TBL1Y: variants seen among roughly 807,000 people sequenced by gnomAD.
The protein encoded by TBL1Y is F-box-like/WD repeat-containing protein TBL1Y.
TBL1Y carries 15 observed loss-of-function variants against 12.0 expected under a neutral mutation model. That is an observed-to-expected ratio of 1.25 (90% CI 0.83 to 1.92). The LOEUF is 1.92. Ranked by LOEUF, TBL1Y falls within the 40% of genes most tolerant of loss-of-function variation. TBL1Y has a pLI of 0.00. For synonymous variants in TBL1Y, 53 were observed against 42.6 expected (o/e 1.24, Z -0.95); for missense variants, 148 against 116.7 (o/e 1.27, Z -1.24).
intron 4 of TBL1Y, among the ~76,000 whole-genome samples, chrY:7,002,743 A>G: frequency 2.9e-5 from 1 of 34,078 alleles, no homozygotes; most frequent in Non-Finnish European, 7.3e-5. Context: ...AGGCTTACAG[A>G]AGTGAGAAGA....
chrY:6,915,288 T>G (rs2011726470), intron 2 of TBL1Y, among the ~76,000 whole-genome samples: 1 of 33,633 alleles, frequency 3.0e-5, no homozygotes, highest in Non-Finnish European at 7.3e-5. Flanking sequence ...GATCAAAGTC[T>G]TCTGTATTAA....
At chrY:6,969,395 G>T in intron 2 of TBL1Y, among the ~76,000 whole-genome samples, 1 of 33,712 alleles carries the variant, frequency 3.0e-5, no homozygotes, top group African/African-American at 1.2e-4. Flanking sequence ...GAGAAGGGTT[G>T]CCCAGCAGCC....
At chrY:7,062,551 C>G in intron 7 of TBL1Y, among the ~76,000 whole-genome samples, 3 of 33,429 alleles carry the variant, frequency 9.0e-5, no homozygotes, top group African/African-American at 3.5e-4. Context: ...CCATCTTTAT[C>G]CTCCCTGCTC....
chrY:6,955,399 A>T, intron 2 of TBL1Y, among the ~76,000 whole-genome samples: 1 of 34,058 alleles, frequency 2.9e-5, no homozygotes, highest in Non-Finnish European at 7.3e-5. Flanking sequence ...GCACTTTGGT[A>T]AACTTAATAG....
chrY:7,021,823 AG>A lies in TBL1Y; in HGVS notation c.-51+288del, dbSNP rs763204163. ...AAACTTTTCTGGGTCTTACCAGTCG[AG>A]GATAACACCTTCTAAAATCAACCTC... On this transcript the variant is annotated intron_variant, in intron 5 of 18. Transcript: ENST00000383032. Among the ~76,000 whole-genome samples, 451 of 33,353 alleles carry A rather than the reference AG, an allele frequency of 0.014. No homozygotes were observed. The Middle Eastern group carries it at 0.25, about 18-fold the overall frequency. The allele number at this position is 33,353 out of a possible 37,273, so 89.5% of individuals were successfully genotyped here. A position where few individuals can be genotyped will look rare whatever the true frequency, so the allele number is the denominator to read the frequency against.
chrY:6,985,340 C>T (rs2012309606), intron 3 of TBL1Y, among the ~76,000 whole-genome samples: 1 of 33,538 alleles, frequency 3.0e-5, no homozygotes, highest in Non-Finnish European at 7.4e-5. Flanking sequence ...TGGTTCTCAA[C>T]AGTGATTGTG....
At position 7,037,064 on chromosome Y, in the gene TBL1Y, T is replaced by C. The variant is rs762356122; in HGVS notation, c.59-5916T>C. Among the ~76,000 whole-genome samples the C allele has an allele frequency of 2.4e-4, 8 of 33,046 alleles. No individual in the cohort carries two copies. In the East Asian group the frequency reaches 6.4e-3, roughly 26 times the overall value. 88.7% of individuals were successfully genotyped at this position (33,046 alleles called of 37,273 possible). ...GTCAGGCATATCAGAAGAGAAGAGA[T>C]GAACAAAGGGCTTGTAGACAGAGGG... On this transcript the variant is annotated intron_variant, in intron 6 of 18. Coordinates refer to ENST00000383032, the MANE Select transcript of TBL1Y (RefSeq NM_033284.2).
At chrY:6,972,987 G>T (rs748362861) in intron 2 of TBL1Y, among the ~76,000 whole-genome samples, 1 of 32,705 alleles carries the variant, frequency 3.1e-5, no homozygotes, top group East Asian at 8.1e-4. Context: ...ATGCCTGCTG[G>T]TCACCCTCAG....
rs72617689 is a variant in TBL1Y, at chrY:6,967,155, T to C, written c.-265-11058T>C. Among the ~76,000 whole-genome samples, 158 of 32,014 alleles carry C rather than the reference T, an allele frequency of 4.9e-3. No individual in the cohort carries two copies. The East Asian group carries it at 0.12, about 25-fold the overall frequency. 85.9% of individuals were successfully genotyped at this position (32,014 alleles called of 37,273 possible). A position where few individuals can be genotyped will look rare whatever the true frequency, so the allele number is the denominator to read the frequency against. ...ACAGTTGCTTTCTTCCCTCCTGGAG[T>C]TGATAGAGTTGAGGGGAGGCAGATA... On this transcript the variant is annotated intron_variant, in intron 2 of 18. Coordinates refer to ENST00000383032, the MANE Select transcript of TBL1Y (RefSeq NM_033284.2).
intron 4 of TBL1Y, among the ~76,000 whole-genome samples, chrY:6,997,764 A>G (rs2012421562): frequency 2.9e-5 from 1 of 34,001 alleles, no homozygotes; most frequent in East Asian, 7.9e-4. Context: ...TGGGGAGCAA[A>G]TGCATTGGGT....
chrY:7,033,310 G>A (rs2012667028), intron 6 of TBL1Y, among the ~76,000 whole-genome samples: 2 of 33,117 alleles, frequency 6.0e-5, no homozygotes, highest in African/African-American at 1.2e-4. Flanking sequence ...TGAATAGATC[G>A]TAACAGGCTC....
At chrY:6,981,225 C>CA (rs2012279392) in intron 3 of TBL1Y, among the ~76,000 whole-genome samples, 2 of 32,702 alleles carry the variant, frequency 6.1e-5, no homozygotes, top group African/African-American at 2.4e-4. Flanking sequence ...CTGAATTTTT[C>CA]AAAAAAAGCA....
At chrY:7,064,773 T>C in intron 8 of TBL1Y, among the ~76,000 whole-genome samples, 1 of 33,177 alleles carries the variant, frequency 3.0e-5, no homozygotes, top group Non-Finnish European at 7.4e-5. Context: ...GGTGCACTAG[T>C]GGGTGGGAGG....
At chrY:7,089,095 T>G (rs891751198) in intron 17 of TBL1Y, among the ~76,000 whole-genome samples, 5 of 33,498 alleles carry the variant, frequency 1.5e-4, no homozygotes, top group African/African-American at 5.8e-4. Context: ...GGGCTGGGGA[T>G]TACAGGCATG....
At chrY:6,915,130 A>C in intron 2 of TBL1Y, among the ~76,000 whole-genome samples, 3 of 33,299 alleles carry the variant, frequency 9.0e-5, no homozygotes, top group Non-Finnish European at 2.2e-4. Context: ...AAGTAAAATA[A>C]AAGGTGCTTC....
At chrY:7,045,367 T>C (rs2012752139) in intron 7 of TBL1Y, among the ~76,000 whole-genome samples, 1 of 33,429 alleles carries the variant, frequency 3.0e-5, no homozygotes, top group Non-Finnish European at 7.4e-5. Flanking sequence ...ATGGAGAGGG[T>C]GAAGTAAAGT....
At chrY:7,063,750 A>T in intron 7 of TBL1Y, 147 bp from the exon 8 acceptor site, 1 of 182,926 alleles carries the variant, frequency 5.5e-6, no homozygotes, top group Non-Finnish European at 1.0e-5. Flanking sequence ...AACAGGGTCT[A>T]TGCTACTTCC....
At chrY:7,034,230 A>G (rs2012674348) in intron 6 of TBL1Y, among the ~76,000 whole-genome samples, 1 of 33,154 alleles carries the variant, frequency 3.0e-5, no homozygotes, top group East Asian at 8.0e-4. Context: ...TCCCATTCAC[A>G]GTGGCTACAA....
intron 2 of TBL1Y, among the ~76,000 whole-genome samples, chrY:6,926,176 T>C: frequency 5.8e-5 from 2 of 34,327 alleles, no homozygotes; most frequent in African/African-American, 2.3e-4. Flanking sequence ...AAATACATAT[T>C]TTCTTTGAAA....
Sources: allele counts gnomAD v4.1 joint callset (sites outside exome capture counted in the v4.1 genomes callset), GRCh38; gene constraint gnomAD v4.1.1; transcripts MANE v1.5; gene names NCBI Gene and HGNC (gene_info 2026-07-23, HGNC 2026-07-21).